Variants in CD86 observed in about 807,000 individuals in gnomAD.
The protein encoded by CD86 is CD86 molecule, also known as T-lymphocyte activation antigen CD86.
Under a neutral mutation model 32.1 loss-of-function variants are expected in CD86, and 11 were observed. The observed-to-expected ratio is 0.34, with a 90% CI of 0.22 to 0.57. CD86 has a LOEUF of 0.57. Among genes scored for constraint, CD86 ranks in the 20% least tolerant of loss-of-function variants. The pLI, the probability that CD86 is intolerant of heterozygous loss-of-function variation, is 0.86. For synonymous variants in CD86, 137 were observed against 135.3 expected (o/e 1.01, Z -0.09); for missense variants, 359 against 398.4 (o/e 0.90, Z 0.84).
At chr3:122,088,622 C>T (rs1437179913) in intron 1 of CD86, among the ~76,000 whole-genome samples, 1 of 152,156 alleles carries the variant, frequency 6.6e-6, no homozygotes, top group East Asian at 1.9e-4. Flanking sequence ...CTGTGAGCTT[C>T]CTCATACTAA....
At position 122,106,507 on chromosome 3, in the gene CD86, C is replaced by T; in HGVS notation, c.703+7C>T. The T allele has an allele frequency of 6.3e-7, 1 of 1,588,510 alleles. No individual in the cohort carries two copies. Among genetic ancestry groups the T allele is most frequent in the Admixed American group, 1.7e-5 (1 of 57,292 alleles). Reference sequence around the variant, plus strand: ...TCTTCACCTTTCTCTATAGGTAAAGCTGTTTTCCAAGACTATTTCTTTCAG... The same window carrying T: ...TCTTCACCTTTCTCTATAGGTAAAGTTGTTTTCCAAGACTATTTCTTTCAG... On this transcript the variant is annotated splice_region_variant and intron_variant, in intron 4 of 6. Transcript: ENST00000330540.
intron 1 of CD86, among the ~76,000 whole-genome samples, chr3:122,058,617 A>T (rs1318329508): frequency 6.6e-6 from 1 of 152,138 alleles, no homozygotes; most frequent in Non-Finnish European, 1.5e-5. Flanking sequence ...AAGATGCCTA[A>T]TGGGGAGTAA....
At chr3:122,114,131 AT>A (rs1160740967) in intron 5 of CD86, among the ~76,000 whole-genome samples, 1 of 151,852 alleles carries the variant, frequency 6.6e-6, no homozygotes, top group Non-Finnish European at 1.5e-5. Flanking sequence ...GGCACCTGTA[AT>A]CCCAGCTACT....
intron 4 of CD86, among the ~76,000 whole-genome samples, chr3:122,106,985 G>C (rs1195483790): frequency 6.6e-6 from 1 of 152,046 alleles, no homozygotes; most frequent in Non-Finnish European, 1.5e-5. Flanking sequence ...TGCCCTTGAG[G>C]ACCTTCCAAT....
At chr3:122,076,643 C>A (rs1022010861) in intron 1 of CD86, among the ~76,000 whole-genome samples, 4 of 152,084 alleles carry the variant, frequency 2.6e-5, no homozygotes, top group Non-Finnish European at 4.4e-5. Flanking sequence ...GTTTTACAGG[C>A]CTGTTTACAG....
At chr3:122,074,395 T>C (rs1282404637) in intron 1 of CD86, among the ~76,000 whole-genome samples, 1 of 152,212 alleles carries the variant, frequency 6.6e-6, no homozygotes, top group Non-Finnish European at 1.5e-5. Context: ...TTTGAACTTG[T>C]ATCTCTTCTG....
chr3:122,079,028 G>A (rs2072593475), intron 1 of CD86, among the ~76,000 whole-genome samples: 1 of 152,174 alleles, frequency 6.6e-6, no homozygotes, highest in African/African-American at 2.4e-5. Flanking sequence ...TAGTTATTAA[G>A]TGCTTGCTAT....
At chr3:122,074,017 A>T (rs1478854195) in intron 1 of CD86, among the ~76,000 whole-genome samples, 1 of 152,172 alleles carries the variant, frequency 6.6e-6, no homozygotes, top group African/African-American at 2.4e-5. Context: ...AAAATGATGG[A>T]AGGGCCTCAA....
chr3:122,118,092 A>C lies in CD86; in HGVS notation c.892A>C (p.Arg298=), dbSNP rs2073282873. 1 of 1,602,666 alleles carries C rather than the reference A, an allele frequency of 6.2e-7. No homozygotes were observed. Among genetic ancestry groups the C allele is most frequent in the African/African-American group, 1.4e-5 (1 of 71,156 alleles). ...EREESEQTKK[R]EKIHIPERSD... ...GGAAGAGAGTGAACAGACCAAGAAA[A>C]GGTAAATCCTGACCCTGAGACATTG... The change falls in exon 6 of 7, where the codon AGA becomes CGA. Residue 298 remains arginine (R), a splice_region_variant and synonymous_variant. Coordinates refer to ENST00000330540, the MANE Select transcript of CD86 (RefSeq NM_175862.5).
intron 1 of CD86, among the ~76,000 whole-genome samples, chr3:122,088,123 T>C (rs2072754031): frequency 6.6e-6 from 1 of 152,006 alleles, no homozygotes; most frequent in Non-Finnish European, 1.5e-5. Context: ...AATGGTTTTT[T>C]GGTTTGCAAA....
intron 5 of CD86, among the ~76,000 whole-genome samples, chr3:122,116,269 T>C (rs2073248651): frequency 6.6e-6 from 1 of 152,188 alleles, no homozygotes; most frequent in African/African-American, 2.4e-5. Flanking sequence ...GTATCCAGTA[T>C]ATAATTACAT....
intron 1 of CD86, among the ~76,000 whole-genome samples, chr3:122,063,215 T>G (rs2072364159): frequency 6.6e-6 from 1 of 152,216 alleles, no homozygotes; most frequent in Non-Finnish European, 1.5e-5. Flanking sequence ...TTTTGCTCAT[T>G]AGTAATCATG....
chr3:122,113,914 A>G (rs937729527), intron 5 of CD86, among the ~76,000 whole-genome samples: 1 of 152,154 alleles, frequency 6.6e-6, no homozygotes. Context: ...AATGAAGGTT[A>G]TGAGAGGGTA....
At chr3:122,074,972 T>G (rs1407951515) in intron 1 of CD86, among the ~76,000 whole-genome samples, 1 of 152,120 alleles carries the variant, frequency 6.6e-6, no homozygotes, top group Non-Finnish European at 1.5e-5. Flanking sequence ...ACCATCACGG[T>G]TGGCCCCACT....
chr3:122,095,207 T>C (rs1297872997), intron 2 of CD86, among the ~76,000 whole-genome samples: 2 of 151,316 alleles, frequency 1.3e-5, no homozygotes, highest in East Asian at 1.9e-4. Context: ...AGTCTCACTC[T>C]GTTGCCCAGG....
intron 1 of CD86, among the ~76,000 whole-genome samples, chr3:122,065,271 G>C (rs1314492891): frequency 6.6e-6 from 1 of 152,172 alleles, no homozygotes; most frequent in African/African-American, 2.4e-5. Context: ...AGCTTGGAGA[G>C]AGCTGTGTTG....
chr3:122,103,925 G>C, intron 3 of CD86, 78 bp downstream of exon 3: 1 of 1,166,072 alleles, frequency 8.6e-7, no homozygotes. Context: ...AACACTGGAG[G>C]GGGACTTGAG....
At chr3:122,075,067 C>T (rs1451914366) in intron 1 of CD86, among the ~76,000 whole-genome samples, 2 of 150,716 alleles carry the variant, frequency 1.3e-5, no homozygotes, top group East Asian at 3.9e-4. Context: ...CAAGATGGGG[C>T]AAGGGGGTTG....
Position 122,109,254 on chromosome 3 carries a change from G to A in CD86, c.704-11G>A. 2 of 1,606,050 alleles carry A rather than the reference G, an allele frequency of 1.2e-6. No homozygotes were observed. Among genetic ancestry groups the A allele is most frequent in the South Asian group, 2.2e-5 (2 of 89,628 alleles). Reference sequence around the variant, plus strand: ...TCTCCTGGCTGATTGAAAATTTGTGGTCATTTGTAGAGCTTGAGGACCCTC... The same window carrying A: ...TCTCCTGGCTGATTGAAAATTTGTGATCATTTGTAGAGCTTGAGGACCCTC... On this transcript the variant is annotated splice_polypyrimidine_tract_variant and intron_variant, in intron 4 of 6. Transcript: ENST00000330540.
Sources: allele counts gnomAD v4.1 joint callset (sites outside exome capture counted in the v4.1 genomes callset), GRCh38; gene constraint gnomAD v4.1.1; transcripts MANE v1.5; gene names NCBI Gene and HGNC (gene_info 2026-07-23, HGNC 2026-07-21).